The following LZTS2 variants were observed in gnomAD, a reference collection of about 807,000 sequenced individuals.
LZTS2 encodes leucine zipper tumor suppressor 2, also known as leucine zipper putative tumor suppressor 2.
A neutral mutation model predicts 60.6 loss-of-function variants in LZTS2; 32 were observed. The observed-to-expected ratio is 0.53, with a 90% CI of 0.40 to 0.71. The LOEUF (loss-of-function observed/expected upper bound fraction) is 0.71, where lower values mean the gene tolerates loss of function less well. LZTS2 is among the 30% of genes least tolerant of loss of function. The pLI is 0.00. For synonymous variants in LZTS2, 360 were observed against 393.1 expected, an observed-to-expected ratio of 0.92 and a Z score of 1.00; for missense variants, 792 against 901.9, an observed-to-expected ratio of 0.88 and a Z score of 1.56.
At chr10:101,003,567 G>C (rs757121472) in exon 2 of LZTS2, 2 of 1,555,036 alleles carry the variant, frequency 1.3e-6, no homozygotes, top group South Asian at 2.5e-5. Flanking sequence ...CAAACCTCGA[G>C]GGGCTCCGTC....
chr10:101,002,646 G>A, exon 1 of LZTS2: 1 of 1,606,406 alleles, frequency 6.2e-7, no homozygotes, highest in Non-Finnish European at 8.5e-7. Context: ...TCTCAGGCCG[G>A]CCCTGTCCCG....
chr10:101,003,386 TG>T, intron 1 of LZTS2, 120 bp from the exon 3 acceptor site: 5 of 1,050,642 alleles, frequency 4.8e-6, no homozygotes, highest in Non-Finnish European at 6.6e-6. Flanking sequence ...CCTCCACCAG[TG>T]GCCGCAATTG....
exon 1 of LZTS2, chr10:101,002,205 T>G: frequency 9.0e-6 from 2 of 222,810 alleles, no homozygotes; most frequent in Non-Finnish European, 8.7e-6. Flanking sequence ...GGATGCAGGA[T>G]TGGGCTTGGG....
At chr10:101,007,328 T>G (rs1852243452) in exon 4 of LZTS2, 1 of 1,418,764 alleles carries the variant, frequency 7.0e-7, no homozygotes, top group Non-Finnish European at 9.2e-7. Context: ...GAACTCAGGG[T>G]GGCCCTATGA....
exon 3 of LZTS2, chr10:101,005,715 G>C (rs1258025479): frequency 6.4e-7 from 1 of 1,565,084 alleles, no homozygotes; most frequent in Non-Finnish European, 8.7e-7. Context: ...CCAAGTGGGA[G>C]GTGGGCCAGA....
At position 101,007,183 on chromosome 10, in the gene LZTS2, A is replaced by G. The variant is rs771475227; in HGVS notation, c.*15A>G. On this transcript the variant is annotated 3_prime_UTR_variant, in exon 4 of 4. Coordinates refer to ENST00000370220, the Ensembl canonical transcript of LZTS2. ...CTGAGATCTAGGGCCCTCAGCAACC[A>G]GCTCTGTAGGGAGCTCTGCCAGAGG... The G allele has an allele frequency of 7.1e-6, 11 of 1,541,362 alleles. No individual in the cohort carries two copies. In the Admixed American group the frequency reaches 2.0e-4, roughly 28 times the overall value.
exon 1 of LZTS2, chr10:101,001,341 G>A (rs1436843740): frequency 2.6e-5 from 4 of 152,248 alleles, no homozygotes; most frequent in Non-Finnish European, 4.4e-5. Flanking sequence ...GAACTCATAT[G>A]TATGTGAATG....
exon 4 of LZTS2, chr10:101,006,535 G>T (rs757354358): frequency 1.6e-5 from 26 of 1,611,578 alleles, no homozygotes; most frequent in South Asian, 2.2e-5. Context: ...AGCTGAAAGA[G>T]TCTCAGGCAG....
intron 2 of LZTS2, 115 bp downstream of exon 3, chr10:101,004,281 C>G: frequency 1.8e-6 from 2 of 1,135,868 alleles, no homozygotes; most frequent in Non-Finnish European, 2.4e-6. Context: ...GTAGTTGTGA[C>G]CCCCCTGCCC....
At chr10:100,999,543 C>T (rs1313457694) in exon 1 of LZTS2, 3 of 152,192 alleles carry the variant, frequency 2.0e-5, no homozygotes, top group East Asian at 1.9e-4. Context: ...CCCGGGGCCC[C>T]GGCTGGGGTT....
chr10:100,996,593 C>G (rs1297660637), upstream of LZTS2: 4 of 152,308 alleles, frequency 2.6e-5, no homozygotes, highest in African/African-American at 9.6e-5. Flanking sequence ...GGTCAGAACC[C>G]GCAGGCCTGC....
chr10:100,998,022 C>T (rs936301563), upstream of LZTS2, among the ~76,000 whole-genome samples: 4 of 152,234 alleles, frequency 2.6e-5, no homozygotes, highest in East Asian at 1.9e-4. Context: ...CTGTTACCGC[C>T]AGCCCAGAGA....
chr10:101,005,835 C>T (rs1250749157), intron 3 of LZTS2, 120 bp downstream of exon 4: 32 of 1,292,090 alleles, frequency 2.5e-5, no homozygotes, highest in Admixed American at 5.8e-5. Flanking sequence ...TTCTCACCTC[C>T]GTGAGATGAG....
chr10:101,002,682 C>G (rs142122181), exon 1 of LZTS2: 2 of 1,609,762 alleles, frequency 1.2e-6, no homozygotes, highest in Admixed American at 1.7e-5. Flanking sequence ...CCCGCCACCA[C>G]GGCCCTCCTG....
At chr10:101,005,414 T>G in intron 2 of LZTS2, 44 bp from the exon 4 acceptor site, 1 of 1,501,058 alleles carries the variant, frequency 6.7e-7, no homozygotes, top group Non-Finnish European at 8.9e-7. Flanking sequence ...GAGTGGGGAG[T>G]TGGGAAAACT....
At position 101,002,952 on chromosome 10, in the gene LZTS2, G is replaced by T. The variant is rs1205392756; in HGVS notation, c.408+6G>T. On this transcript the variant is annotated splice_donor_region_variant and intron_variant, in intron 1 of 3. Transcript: ENST00000370220. ...TCTCTGGAAAGCTGGAGAAGGTGAG[G>T]ACCGGCTCTTCCTTGTGGGCCTGGG... 7 of 1,604,658 alleles carry T rather than the reference G, an allele frequency of 4.4e-6. No homozygotes were observed. In the East Asian group the frequency reaches 1.3e-4, roughly 31 times the overall value.
exon 1 of LZTS2, chr10:101,000,969 AG>A (rs1373417649): frequency 6.6e-6 from 1 of 152,290 alleles, no homozygotes; most frequent in Non-Finnish European, 1.5e-5. Context: ...AGGGCATGCG[AG>A]AAAGAAGGGG....
chr10:101,003,615 T>G (rs1248392174), exon 2 of LZTS2: 2 of 1,601,830 alleles, frequency 1.2e-6, no homozygotes, highest in African/African-American at 2.7e-5. Flanking sequence ...CACCGGGCTG[T>G]CTGGGAGCCA....
chr10:101,006,915 G>GGCGGCGGGGTGAGGAGCA (rs1852225908), exon 4 of LZTS2: 1 of 1,530,276 alleles, frequency 6.5e-7, no homozygotes, highest in Non-Finnish European at 8.8e-7. Context: ...CAGCGGGAGC[G>GGCGGCGGGGTGAGGAGCA]GCGGCGGGGT....
Sources: gnomAD v4.1 joint callset for allele counts (sites outside exome capture counted in the v4.1 genomes callset) on GRCh38, gnomAD v4.1.1 for gene constraint, MANE v1.5 for transcripts, NCBI Gene and HGNC (gene_info 2026-07-23, HGNC 2026-07-21) for gene names.